Variants in FAM13A observed in about 807,000 individuals in gnomAD.
FAM13A encodes the protein protein FAM13A.
A neutral mutation model predicts 129.6 loss-of-function variants in FAM13A; 76 were observed. The ratio of observed to expected loss-of-function variants is 0.59; its 90% CI spans 0.49 to 0.71. FAM13A has a LOEUF of 0.71. FAM13A is among the 30% of genes least tolerant of loss of function. FAM13A has a pLI of 0.00. For missense variants in FAM13A, 1,108 were observed against 1,249.3 expected, an observed-to-expected ratio of 0.89 and a Z score of 1.70; for synonymous variants, 443 against 449.9, an observed-to-expected ratio of 0.98 and a Z score of 0.20.
intron 11 of FAM13A, among the ~76,000 whole-genome samples, chr4:88,769,816 C>T (rs559455159): frequency 9.3e-5 from 14 of 151,056 alleles, no homozygotes; most frequent in African/African-American, 1.9e-4. Context: ...GGCGACAGAG[C>T]GAGACTCTGT....
chr4:88,776,318 G>T (rs1721701651), intron 11 of FAM13A, among the ~76,000 whole-genome samples: 1 of 152,080 alleles, frequency 6.6e-6, no homozygotes. Flanking sequence ...ATATTGAAGG[G>T]CGGTACAGTG....
chr4:88,862,375 T>C (rs1421164092), intron 6 of FAM13A, among the ~76,000 whole-genome samples: 1 of 151,890 alleles, frequency 6.6e-6, no homozygotes, highest in African/African-American at 2.4e-5. Context: ...AAATAAGAAA[T>C]CTGAAATGAG....
intron 6 of FAM13A, among the ~76,000 whole-genome samples, chr4:88,874,459 A>G (rs924995058): frequency 6.6e-6 from 1 of 152,202 alleles, no homozygotes; most frequent in African/African-American, 2.4e-5. Context: ...ATACAAAATC[A>G]ATGTGCAAAA....
At position 88,837,666 on chromosome 4, in the gene FAM13A, C is replaced by T. The variant is rs994446813; in HGVS notation, c.1007+13354G>A. ...CTGGGAGGCGGAGGTTGCGGTGAGC[C>T]GAGATGACACCATTGCACTCCAGCC... On this transcript the variant is annotated intron_variant, in intron 7 of 23. Transcript: ENST00000264344. 2.1e-5 allele frequency among the ~76,000 whole-genome samples: 3 copies of T among 141,094 alleles called. No individual in the cohort carries two copies. The South Asian group carries it at 6.7e-4, about 31-fold the overall frequency. 92.6% of individuals were successfully genotyped at this position (141,094 alleles called of 152,430 possible). A position where few individuals can be genotyped will look rare whatever the true frequency, so the allele number is the denominator to read the frequency against.
intron 10 of FAM13A, 136 bp from the exon 11 acceptor site, chr4:88,781,487 T>C (rs1722858918): frequency 1.8e-6 from 1 of 545,024 alleles, no homozygotes; most frequent in Non-Finnish European, 3.1e-6. Context: ...GATCAAAATC[T>C]GAGCAGAGTG....
intron 6 of FAM13A, among the ~76,000 whole-genome samples, chr4:88,890,602 A>G (rs941058568): frequency 1.7e-4 from 26 of 152,334 alleles, no homozygotes; most frequent in East Asian, 1.2e-3. Flanking sequence ...AAGCTGACAG[A>G]AAAAAACAAA....
chr4:88,988,633 T>A (rs1264452191), intron 4 of FAM13A, among the ~76,000 whole-genome samples: 1 of 152,128 alleles, frequency 6.6e-6, no homozygotes, highest in African/African-American at 2.4e-5. Context: ...AAATTTTTCA[T>A]ATTATGAAAA....
At chr4:88,872,619 G>A (rs1741617445) in intron 6 of FAM13A, among the ~76,000 whole-genome samples, 1 of 152,186 alleles carries the variant, frequency 6.6e-6, no homozygotes, top group Non-Finnish European at 1.5e-5. Context: ...CAATACAGGA[G>A]CACCCAGATT....
chr4:88,767,836 A>G, intron 12 of FAM13A, 147 bp downstream of exon 12: 1 of 635,290 alleles, frequency 1.6e-6, no homozygotes. Context: ...TTTCTATTCT[A>G]AGCATTTTCC....
chr4:88,886,410 GA>G lies in FAM13A; in HGVS notation c.843+19968del, dbSNP rs1405033888. Among the ~76,000 whole-genome samples, 5 of 151,924 alleles carry G rather than the reference GA, an allele frequency of 3.3e-5. No homozygotes were observed. The East Asian group carries it at 9.6e-4, about 29-fold the overall frequency. Reference sequence around the variant, plus strand: ...TTGAAACCAGCCTGGCCAACATGGTGAAACCCCATCTCTACTAGAATTACAA... The same window carrying G: ...TTGAAACCAGCCTGGCCAACATGGTGAACCCCATCTCTACTAGAATTACAA... On this transcript the variant is annotated intron_variant, in intron 6 of 23. Transcript: ENST00000264344.
intron 6 of FAM13A, among the ~76,000 whole-genome samples, chr4:88,901,388 C>T (rs987669349): frequency 1.3e-5 from 2 of 151,964 alleles, no homozygotes; most frequent in Non-Finnish European, 2.9e-5. Flanking sequence ...ATCACATAAT[C>T]GGAAGTAAAA....
At chr4:88,823,217 G>C in intron 7 of FAM13A, 2 of 1,409,298 alleles carry the variant, frequency 1.4e-6, no homozygotes, top group Non-Finnish European at 1.8e-6. Flanking sequence ...TTTATCGGCT[G>C]CTTCTCTACA....
chr4:88,984,956 A>G (rs1019626340), intron 4 of FAM13A, among the ~76,000 whole-genome samples: 1 of 152,192 alleles, frequency 6.6e-6, no homozygotes, highest in African/African-American at 2.4e-5. Flanking sequence ...AAGAGAAATG[A>G]ACACATAATT....
At chr4:88,772,318 A>G (rs926058324) in intron 11 of FAM13A, among the ~76,000 whole-genome samples, 1 of 152,210 alleles carries the variant, frequency 6.6e-6, no homozygotes, top group Non-Finnish European at 1.5e-5. Flanking sequence ...TTAAAATTGT[A>G]TAAGCGCATT....
chr4:89,057,161 A>C lies in FAM13A; in HGVS notation c.-197T>G. 2.1e-6 allele frequency: 3 copies of C among 1,424,326 alleles called. No homozygotes were observed. The highest frequency in any genetic ancestry group is 1.6e-5 in the South Asian group (1 of 63,416). The allele number at this position is 1,424,326 out of a possible 1,614,324, so 88.2% of individuals were successfully genotyped here. ...TTGCTTCTCTTTCCGCTGAACCCAC[A>C]TGGCTGGAAGGACTGCCTGGAGTTG... On this transcript the variant is annotated 5_prime_UTR_variant, in exon 1 of 24. The change abolishes an upstream ATG in the 5' untranslated region. Coordinates refer to ENST00000264344, the MANE Select transcript of FAM13A (RefSeq NM_014883.4).
chr4:88,990,323 T>C (rs1270779759), intron 4 of FAM13A: 1 of 152,184 alleles, frequency 6.6e-6, no homozygotes, highest in Admixed American at 6.5e-5. Flanking sequence ...GGAGTGTAAA[T>C]GTTCTCTCTC....
intron 8 of FAM13A, among the ~76,000 whole-genome samples, chr4:88,803,941 C>T (rs1454927637): frequency 2.6e-5 from 4 of 152,024 alleles, no homozygotes; most frequent in South Asian, 2.1e-4. Context: ...GTATTGCATC[C>T]CCTGACATTT....
chr4:88,999,963 G>A (rs1192949995), intron 3 of FAM13A, among the ~76,000 whole-genome samples: 2 of 152,026 alleles, frequency 1.3e-5, no homozygotes, highest in Non-Finnish European at 2.9e-5. Context: ...CTCACTTGTT[G>A]ACTATGTCTT....
intron 6 of FAM13A, among the ~76,000 whole-genome samples, chr4:88,861,960 A>G (rs1389871048): frequency 6.6e-6 from 1 of 152,216 alleles, no homozygotes; most frequent in Non-Finnish European, 1.5e-5. Flanking sequence ...GACTTGTGGC[A>G]ATCTGATAAC....
Sources: gnomAD v4.1 joint callset for allele counts (sites outside exome capture counted in the v4.1 genomes callset) on GRCh38, gnomAD v4.1.1 for gene constraint, MANE v1.5 for transcripts, NCBI Gene and HGNC (gene_info 2026-07-23, HGNC 2026-07-21) for gene names.